The following BTBD8 variants were observed in gnomAD, a reference collection of about 807,000 sequenced individuals.
BTBD8 encodes the protein BTB/POZ domain-containing protein 8.
A neutral mutation model predicts 162.9 loss-of-function variants in BTBD8; 110 were observed. That is an observed-to-expected ratio of 0.68 (90% CI 0.58 to 0.79). The LOEUF is 0.79. Ranked by LOEUF, BTBD8 falls within the 30% of genes least tolerant of loss-of-function variation. The probability of loss-of-function intolerance (pLI) is 0.00; values close to 1 mark genes in which losing one functional copy is unlikely to be tolerated. For missense variants in BTBD8, 1,905 were observed against 2,085.4 expected (o/e 0.91, Z 1.68); for synonymous variants, 667 against 716.1 (o/e 0.93, Z 1.10).
chr1:92,103,716 G>A (rs747692473), intron 3 of BTBD8, among the ~76,000 whole-genome samples: 2 of 152,164 alleles, frequency 1.3e-5, no homozygotes, highest in African/African-American at 2.4e-5. Flanking sequence ...GGGAGGAGAA[G>A]GTAGTTTCCT....
intron 9 of BTBD8, among the ~76,000 whole-genome samples, chr1:92,154,718 C>G (rs1237907680): frequency 6.6e-6 from 1 of 151,952 alleles, no homozygotes; most frequent in Admixed American, 6.6e-5. Context: ...GTATTTTTCC[C>G]CATTCTGTAG....
intron 2 of BTBD8, among the ~76,000 whole-genome samples, chr1:92,090,957 G>A (rs1314818070): frequency 6.6e-6 from 1 of 152,168 alleles, no homozygotes; most frequent in African/African-American, 2.4e-5. Flanking sequence ...TTATTATGTA[G>A]TCTAGCTTAT....
intron 1 of BTBD8, among the ~76,000 whole-genome samples, chr1:92,084,445 C>T (rs951494845): frequency 7.2e-5 from 11 of 152,104 alleles, no homozygotes; most frequent in Admixed American, 6.5e-4. Flanking sequence ...CATCTGAGCT[C>T]CTGGGCCCAT....
chr1:92,137,093 G>C (rs893075968), intron 5 of BTBD8, among the ~76,000 whole-genome samples: 2 of 152,168 alleles, frequency 1.3e-5, no homozygotes, highest in Non-Finnish European at 2.9e-5. Flanking sequence ...GGAAGTGTAA[G>C]TAGCTCAGGT....
chr1:92,082,971 A>G (rs1648060277), intron 1 of BTBD8, among the ~76,000 whole-genome samples: 2 of 152,092 alleles, frequency 1.3e-5, no homozygotes, highest in South Asian at 4.2e-4. Context: ...CATTTAACAC[A>G]AGAGGAAACT....
chr1:92,158,457 A>C (rs1401931471), intron 9 of BTBD8, among the ~76,000 whole-genome samples: 1 of 152,072 alleles, frequency 6.6e-6, no homozygotes, highest in African/African-American at 2.4e-5. Context: ...ATAACAGTCT[A>C]TTTTAAGCTC....
chr1:92,143,028 A>G (rs1034469512), intron 7 of BTBD8, among the ~76,000 whole-genome samples: 12 of 152,218 alleles, frequency 7.9e-5, no homozygotes, highest in Admixed American at 4.6e-4. Context: ...AAAGATTTAA[A>G]TCAGATACAA....
rs1650462872 is a variant in BTBD8, at chr1:92,169,040, G to T, written c.1573+45G>T. On this transcript the variant is annotated intron_variant, in intron 12 of 17. Coordinates refer to ENST00000636805, the MANE Select transcript of BTBD8 (RefSeq NM_001376131.1). ...TTTCAATTCTTATGTAATGATCATTGTGACAGCAGATATTTTGAGGGCATT... is the reference window on the plus strand; with the variant it reads ...TTTCAATTCTTATGTAATGATCATTTTGACAGCAGATATTTTGAGGGCATT... The T allele has an allele frequency of 4.1e-6, 6 of 1,458,034 alleles. No individual in the cohort carries two copies. The South Asian group carries it at 8.4e-5, about 20-fold the overall frequency. 90.3% of individuals were successfully genotyped at this position (1,458,034 alleles called of 1,614,324 possible).
chr1:92,177,002 G>A lies in BTBD8; in HGVS notation c.1809G>A (p.Lys603=). 6.5e-7 allele frequency: 1 copy of A among 1,547,802 alleles called. No homozygotes were observed. Among genetic ancestry groups the A allele is most frequent in the East Asian group, 2.4e-5 (1 of 40,894 alleles). ...TNRNSINKTL[K]QDDVKEKDGT... ...GAAATAGTATAAATAAAACTCTGAA[G>A]CAAGATGATGTAAAGGAAAAAGATG... Residue 603 remains lysine (K), a synonymous_variant, in exon 14 of 18, where the codon AAG becomes AAA. Transcript: ENST00000636805.
intron 15 of BTBD8, 85 bp from the exon 16 acceptor site, chr1:92,178,227 A>G (rs1650778781): frequency 9.4e-7 from 1 of 1,063,840 alleles, no homozygotes; most frequent in Non-Finnish European, 1.3e-6. Flanking sequence ...TATTTCTTGA[A>G]AAAAACTGTT....
intron 1 of BTBD8, among the ~76,000 whole-genome samples, chr1:92,082,154 G>A (rs1648035957): frequency 6.6e-6 from 1 of 152,118 alleles, no homozygotes; most frequent in South Asian, 2.1e-4. Context: ...AGTTACAACT[G>A]AGGGTAGGAC....
Position 92,176,824 on chromosome 1 carries a change from TA to T in BTBD8, c.1636-4del, listed in dbSNP as rs1348079240. The T allele has an allele frequency of 7.5e-7, 1 of 1,332,974 alleles. No homozygotes were observed. Among genetic ancestry groups the T allele is most frequent in the Non-Finnish European group, 9.9e-7 (1 of 1,011,124 alleles). 82.6% of individuals were successfully genotyped at this position (1,332,974 alleles called of 1,614,324 possible). A position where few individuals can be genotyped will look rare whatever the true frequency, so the allele number is the denominator to read the frequency against. ...ATTACAAAGTATTTTTTTTCTTTTT[TA>T]TAGCAAAGGAAACAAGTTTCTGACT... On this transcript the variant is annotated splice_polypyrimidine_tract_variant and splice_region_variant and intron_variant, in intron 13 of 17. Transcript: ENST00000636805.
chr1:92,102,086 A>G (rs1399206301), intron 2 of BTBD8, among the ~76,000 whole-genome samples: 1 of 152,108 alleles, frequency 6.6e-6, no homozygotes. Context: ...CAGTGGCACA[A>G]TCTCAGCTCA....
At chr1:92,091,996 A>G (rs1440758117) in intron 2 of BTBD8, among the ~76,000 whole-genome samples, 1 of 152,200 alleles carries the variant, frequency 6.6e-6, no homozygotes, top group East Asian at 1.9e-4. Flanking sequence ...CCCAAAATTT[A>G]TATGTTGAAG....
At chr1:92,164,063 A>G (rs1303789958) in intron 9 of BTBD8, among the ~76,000 whole-genome samples, 2 of 152,224 alleles carry the variant, frequency 1.3e-5, no homozygotes, top group Non-Finnish European at 2.9e-5. Flanking sequence ...TAAAACTCTT[A>G]GTAATTGTAC....
At chr1:92,095,974 C>CTTT (rs535512186) in intron 2 of BTBD8, among the ~76,000 whole-genome samples, 1 of 146,786 alleles carries the variant, frequency 6.8e-6, no homozygotes. Flanking sequence ...AATCTTACTA[C>CTTT]TTTTTTTTTT....
At chr1:92,151,933 A>G (rs922488698) in intron 9 of BTBD8, among the ~76,000 whole-genome samples, 1 of 152,064 alleles carries the variant, frequency 6.6e-6, no homozygotes, top group Admixed American at 6.5e-5. Context: ...CATTTTCTTT[A>G]TCCACTCAGT....
At chr1:92,085,228 G>A (rs6699855) in intron 1 of BTBD8, among the ~76,000 whole-genome samples, 109,336 of 152,164 alleles carry the variant, frequency 0.72, 40,786 homozygotes, top group East Asian at 0.97. Flanking sequence ...GAGTTTTATC[G>A]GCAGTGTAAA....
intron 4 of BTBD8, among the ~76,000 whole-genome samples, chr1:92,109,710 T>C (rs1212911250): frequency 1.3e-5 from 2 of 152,206 alleles, no homozygotes; most frequent in African/African-American, 2.4e-5. Flanking sequence ...ATAGTACATA[T>C]TAATTTTATT....
Sources: allele counts gnomAD v4.1 joint callset (sites outside exome capture counted in the v4.1 genomes callset), GRCh38; gene constraint gnomAD v4.1.1; transcripts MANE v1.5; gene names NCBI Gene and HGNC (gene_info 2026-07-23, HGNC 2026-07-21).